The following CSMD1 variants were observed in gnomAD, a reference collection of about 807,000 sequenced individuals.
CSMD1 encodes CUB and sushi domain-containing protein 1.
Under a neutral mutation model 417.5 loss-of-function variants are expected in CSMD1, and 213 were observed. The ratio of observed to expected loss-of-function variants is 0.51; its 90% CI spans 0.46 to 0.57. The LOEUF (loss-of-function observed/expected upper bound fraction) is 0.57, where lower values mean the gene tolerates loss of function less well. Among genes scored for constraint, CSMD1 ranks in the 20% least tolerant of loss-of-function variants. The pLI, the probability that CSMD1 is intolerant of heterozygous loss-of-function variation, is 0.00. For synonymous variants in CSMD1, 2,862 were observed against 1,736.8 expected (o/e 1.65, Z -16.11); for missense variants, 6,923 against 4,529.7 (o/e 1.53, Z -15.17).
At chr8:4,913,549 G>T (rs1034228459) in intron 1 of CSMD1, among the ~76,000 whole-genome samples, 2 of 152,028 alleles carry the variant, frequency 1.3e-5, no homozygotes, top group Admixed American at 6.6e-5. Flanking sequence ...AGCTCTACAG[G>T]GGAACGCCAC....
Position 3,387,516 on chromosome 8 carries a change from G to C in CSMD1, c.2760C>G (p.Asn920Lys), listed in dbSNP as rs775001650. 1.2e-6 allele frequency: 2 copies of C among 1,601,620 alleles called. No individual in the cohort carries two copies. The highest frequency in any genetic ancestry group is 1.1e-5 in the South Asian group (1 of 88,484). ...PLVCERNHQW[N>K]HALPSCDALC... is the part of the protein sequence containing the mutation. ...TACCGTCGCAGCTGGGCAAGGCGTG[G>C]TTCCACTGGTGGTTCCTCTCACAGA... The change falls in exon 18 of 70, where the codon AAC becomes AAG. Residue 920 changes from asparagine (N) to lysine (K), a missense_variant. By Grantham distance (94) the Asn-to-Lys change is moderately conservative. Transcript: ENST00000635120.
At chr8:3,670,577 G>GCA (rs1563254932) in intron 7 of CSMD1, among the ~76,000 whole-genome samples, 3,834 of 138,894 alleles carry the variant, frequency 0.028, 236 homozygotes, top group African/African-American at 0.1. Context: ...TATATATATG[G>GCA]GATATATATG....
chr8:3,992,401 T>C (rs1814824293), intron 5 of CSMD1, among the ~76,000 whole-genome samples: 1 of 152,084 alleles, frequency 6.6e-6, no homozygotes, highest in South Asian at 2.1e-4. Context: ...ATCTAATCAG[T>C]GATTGGCTGA....
At chr8:4,445,411 T>C (rs917648343) in intron 2 of CSMD1, among the ~76,000 whole-genome samples, 2 of 152,222 alleles carry the variant, frequency 1.3e-5, no homozygotes, top group Non-Finnish European at 2.9e-5. Flanking sequence ...ATTATTCTAA[T>C]ACTATTTCTT....
At chr8:4,967,439 G>A (rs960052048) in intron 1 of CSMD1, among the ~76,000 whole-genome samples, 1 of 152,122 alleles carries the variant, frequency 6.6e-6, no homozygotes, top group Non-Finnish European at 1.5e-5. Context: ...CACTACTAAG[G>A]TAAGAGATGT....
chr8:3,307,225 A>T (rs1001378953), intron 25 of CSMD1, among the ~76,000 whole-genome samples: 6 of 152,040 alleles, frequency 3.9e-5, no homozygotes, highest in Non-Finnish European at 8.8e-5. Context: ...AAATTTGTTC[A>T]TCCCTTGCTG....
intron 25 of CSMD1, among the ~76,000 whole-genome samples, chr8:3,291,680 T>C (rs928147285): frequency 1.3e-5 from 2 of 152,136 alleles, no homozygotes; most frequent in African/African-American, 4.8e-5. Flanking sequence ...ATATTACCTT[T>C]ATCATTTTTT....
chr8:4,708,961 C>G (rs976837784), intron 1 of CSMD1, among the ~76,000 whole-genome samples: 1 of 152,150 alleles, frequency 6.6e-6, no homozygotes, highest in East Asian at 1.9e-4. Context: ...CAGAAAAGAG[C>G]AATCCTGCTG....
At chr8:3,819,174 G>A (rs148639965) in intron 5 of CSMD1, among the ~76,000 whole-genome samples, 2 of 152,110 alleles carry the variant, frequency 1.3e-5, no homozygotes, top group Admixed American at 6.5e-5. Context: ...GGATGAGTCT[G>A]CCCACAGTGA....
chr8:4,523,471 C>T (rs1312716278), intron 2 of CSMD1, among the ~76,000 whole-genome samples: 3 of 152,134 alleles, frequency 2.0e-5, no homozygotes, highest in Admixed American at 2.0e-4. Context: ...TATTGAAACA[C>T]ATATGTTATG....
chr8:4,300,655 G>A (rs948605020), intron 3 of CSMD1, among the ~76,000 whole-genome samples: 1 of 152,144 alleles, frequency 6.6e-6, no homozygotes, highest in Non-Finnish European at 1.5e-5. Flanking sequence ...TTTAGCATTA[G>A]GTATATCTCC....
At chr8:3,767,558 G>A (rs1798346011) in intron 5 of CSMD1, among the ~76,000 whole-genome samples, 1 of 152,198 alleles carries the variant, frequency 6.6e-6, no homozygotes. Flanking sequence ...ATCCAAAGCT[G>A]ATTGCTGACC....
At chr8:4,042,669 G>A (rs1243311627) in intron 3 of CSMD1, among the ~76,000 whole-genome samples, 1 of 151,594 alleles carries the variant, frequency 6.6e-6, no homozygotes, top group African/African-American at 2.4e-5. Context: ...ACTATTAGCT[G>A]TTTAAAGCCA....
At position 4,558,790 on chromosome 8, in the gene CSMD1, C is replaced by A. The variant is rs551343605; in HGVS notation, c.302+78552G>T. ...GGCTGAGGCAGGAGAATTGCTTGAA[C>A]CCAGGAGGTGGACGTTGCAGTGAAT... On this transcript the variant is annotated intron_variant, in intron 2 of 69. Transcript: ENST00000635120. Among the ~76,000 whole-genome samples, 7 of 152,284 alleles carry A rather than the reference C, an allele frequency of 4.6e-5. No homozygotes were observed. In the South Asian group the frequency reaches 1.5e-3, roughly 32 times the overall value.
intron 11 of CSMD1, 60 bp from the exon 12 acceptor site, chr8:3,468,884 C>A (rs770753143): frequency 2.6e-6 from 3 of 1,133,292 alleles, no homozygotes; most frequent in Non-Finnish European, 3.8e-6. Context: ...CGACTTCCAC[C>A]TGAAAGGAGG....
At chr8:3,887,833 C>G (rs1806669225) in intron 5 of CSMD1, among the ~76,000 whole-genome samples, 1 of 152,126 alleles carries the variant, frequency 6.6e-6, no homozygotes, top group Non-Finnish European at 1.5e-5. Flanking sequence ...TTCATCTGTG[C>G]AAGGAAGAAA....
chr8:3,024,914 T>C (rs1205571599), intron 51 of CSMD1, among the ~76,000 whole-genome samples: 2 of 152,260 alleles, frequency 1.3e-5, no homozygotes, highest in African/African-American at 4.8e-5. Flanking sequence ...CCTCCACTGC[T>C]TTGTGTACTG....
At chr8:3,678,696 G>T (rs1057443277) in intron 7 of CSMD1, among the ~76,000 whole-genome samples, 1 of 152,094 alleles carries the variant, frequency 6.6e-6, no homozygotes, top group African/African-American at 2.4e-5. Flanking sequence ...ACGCCACAAA[G>T]ATACTCCTCG....
intron 1 of CSMD1, among the ~76,000 whole-genome samples, chr8:4,916,182 C>T (rs1197117090): frequency 6.6e-6 from 1 of 152,206 alleles, no homozygotes; most frequent in Non-Finnish European, 1.5e-5. Flanking sequence ...GTAGAGTCCT[C>T]TCCATGGGAG....
Sources: gnomAD v4.1 joint callset for allele counts (sites outside exome capture counted in the v4.1 genomes callset) on GRCh38, gnomAD v4.1.1 for gene constraint, MANE v1.5 for transcripts, NCBI Gene and HGNC (gene_info 2026-07-23, HGNC 2026-07-21) for gene names.